Variants in PCYOX1 observed in about 807,000 individuals in gnomAD.
The protein encoded by PCYOX1 is prenylcysteine oxidase 1, also known as prenylcysteine lyase.
A neutral mutation model predicts 46.4 loss-of-function variants in PCYOX1; 46 were observed. The ratio of observed to expected loss-of-function variants is 0.99; its 90% CI spans 0.78 to 1.27. PCYOX1 has a LOEUF of 1.27. PCYOX1 is among the 50% of genes most tolerant of loss of function. The probability of loss-of-function intolerance (pLI) is 0.00; values close to 1 mark genes in which losing one functional copy is unlikely to be tolerated. For missense variants in PCYOX1, 658 were observed against 628.3 expected (o/e 1.05, Z -0.51); for synonymous variants, 220 against 231.8 (o/e 0.95, Z 0.46).
chr2:70,259,425 G>C lies in PCYOX1; in HGVS notation c.178G>C (p.Asp60His), dbSNP rs1044797094. The C allele has an allele frequency of 6.2e-7, 1 of 1,614,182 alleles. No homozygotes were observed. Among genetic ancestry groups the C allele is most frequent in the African/African-American group, 1.3e-5 (1 of 75,060 alleles). The change falls in exon 2 of 6, where the codon GAT becomes CAT. Residue 60 changes from aspartate (D) to histidine (H), a missense_variant. Coordinates refer to ENST00000433351, the MANE Select transcript of PCYOX1 (RefSeq NM_016297.4). ...AYYLRQKFGK[D>H]VKIDLFEREE... ...TTACCTGCGGCAGAAATTTGGGAAAGATGTGAAGATAGACCTGTTTGAAAG... is the reference window on the plus strand; with the variant it reads ...TTACCTGCGGCAGAAATTTGGGAAACATGTGAAGATAGACCTGTTTGAAAG...
At position 70,277,011 on chromosome 2, in the gene PCYOX1, C is replaced by T. The variant is rs144903509; in HGVS notation, c.1137C>T (p.Phe379=). Residue 379 remains phenylalanine (F), a synonymous_variant, in exon 6 of 6, where the codon TTC becomes TTT. Coordinates refer to ENST00000433351, the MANE Select transcript of PCYOX1 (RefSeq NM_016297.4). ...TAACCACTGATAATTCAGATTTGTT[C>T]ATTAACAGTATTGGGATTGTGCCCT... is the stretch of plus-strand genomic sequence containing the variant. ...TVLTTDNSDL[F]INSIGIVPSV... 7.7e-4 allele frequency: 1,241 copies of T among 1,613,854 alleles called. 20 individuals carry two copies. In the South Asian group the frequency reaches 0.012, roughly 15 times the overall value.
intron 3 of PCYOX1, among the ~76,000 whole-genome samples, chr2:70,266,475 GT>G (rs1696525107): frequency 6.8e-6 from 1 of 146,512 alleles, no homozygotes; most frequent in East Asian, 2.0e-4. Flanking sequence ...TTTTTTTTTT[GT>G]TAGTATTTAT....
chr2:70,269,938 A>T (rs551479019), intron 3 of PCYOX1, among the ~76,000 whole-genome samples: 1 of 152,102 alleles, frequency 6.6e-6, no homozygotes, highest in East Asian at 1.9e-4. Context: ...CTAGTTTCAC[A>T]TTGCAGTTGG....
intron 3 of PCYOX1, 79 bp from the exon 4 acceptor site, chr2:70,274,880 T>A (rs953954828): frequency 1.4e-5 from 13 of 908,768 alleles, no homozygotes; most frequent in Middle Eastern, 4.6e-4. Context: ...TTGATTCTTA[T>A]GACGCCACTT....
At chr2:70,259,919 G>T (rs938646778) in intron 2 of PCYOX1, among the ~76,000 whole-genome samples, 5 of 152,054 alleles carry the variant, frequency 3.3e-5, no homozygotes, top group Non-Finnish European at 7.4e-5. Flanking sequence ...GGGTTCAAGC[G>T]ATTCTCCTGC....
At chr2:70,276,134 A>G (rs1696668408) in intron 5 of PCYOX1, among the ~76,000 whole-genome samples, 2 of 148,392 alleles carry the variant, frequency 1.3e-5, no homozygotes, top group South Asian at 2.1e-4. Context: ...TCCCCAGTGT[A>G]GTTAAGTGCT....
chr2:70,275,449 G>A lies in PCYOX1; in HGVS notation c.707-65G>A, dbSNP rs888295575. On this transcript the variant is annotated intron_variant, in intron 4 of 5. Transcript: ENST00000433351. ...GGAGTAGAACATGTAATTGGGAAGG[G>A]AGAGTGGGTAGAGAGCCTCTTACAA... 1.3e-5 allele frequency: 19 copies of A among 1,498,866 alleles called. No homozygotes were observed. In the African/African-American group the frequency reaches 2.5e-4, roughly 20 times the overall value. The allele number at this position is 1,498,866 out of a possible 1,614,324, so 92.8% of individuals were successfully genotyped here.
intron 1 of PCYOX1, chr2:70,258,555 A>G (rs1383407487): frequency 1.1e-5 from 4 of 357,292 alleles, no homozygotes; most frequent in African/African-American, 2.2e-5. Flanking sequence ...GCGTACCTGT[A>G]GCCCCTGTCT....
At chr2:70,263,508 G>C (rs1696469260) in intron 3 of PCYOX1, among the ~76,000 whole-genome samples, 3 of 152,112 alleles carry the variant, frequency 2.0e-5, no homozygotes, top group African/African-American at 7.2e-5. Flanking sequence ...TTCTAGTGGA[G>C]AGACAGGCAA....
rs397868949 is a variant in PCYOX1, at chr2:70,274,195, CTT to C, written c.495-745_495-744del. 4.0e-3 allele frequency among the ~76,000 whole-genome samples: 460 copies of C among 115,894 alleles called. 1 individual carries two copies. The highest frequency in any genetic ancestry group is 0.011 in the African/African-American group (375 of 35,074). The allele number at this position is 115,894 out of a possible 152,430, so 76.0% of individuals were successfully genotyped here. A position where few individuals can be genotyped will look rare whatever the true frequency, so the allele number is the denominator to read the frequency against. On this transcript the variant is annotated intron_variant, in intron 3 of 5. Coordinates refer to ENST00000433351, the MANE Select transcript of PCYOX1 (RefSeq NM_016297.4). ...CTTTAGACAAAGTATTTTACTTCTA[CTT>C]TTTTTTTTTTTTTTTTTTGAGATGG...
intron 1 of PCYOX1, chr2:70,258,532 A>T (rs1039878224): frequency 1.7e-5 from 6 of 355,892 alleles, no homozygotes; most frequent in Admixed American, 5.1e-5. Flanking sequence ...GCGGGCGGGC[A>T]GGCAGGCGCC....
chr2:70,268,468 C>T (rs1334040226), intron 3 of PCYOX1, among the ~76,000 whole-genome samples: 1 of 152,052 alleles, frequency 6.6e-6, no homozygotes, highest in Non-Finnish European at 1.5e-5. Flanking sequence ...GTATGTAGGG[C>T]CTTTAAATAT....
At chr2:70,263,198 C>A (rs1696465186) in intron 3 of PCYOX1, among the ~76,000 whole-genome samples, 1 of 150,914 alleles carries the variant, frequency 6.6e-6, no homozygotes, top group Non-Finnish European at 1.5e-5. Context: ...CGTGCCATTA[C>A]ACTCTAGCCT....
intron 3 of PCYOX1, among the ~76,000 whole-genome samples, chr2:70,261,594 G>A (rs1196265842): frequency 6.6e-6 from 1 of 152,170 alleles, no homozygotes; most frequent in Non-Finnish European, 1.5e-5. Context: ...CTTCTGAAGT[G>A]TATTTTGCAA....
chr2:70,276,112 A>G (rs1413773033), intron 5 of PCYOX1, among the ~76,000 whole-genome samples: 2 of 151,904 alleles, frequency 1.3e-5, no homozygotes, highest in African/African-American at 2.4e-5. Flanking sequence ...AAAAAAAAAA[A>G]AAAAAAAAAA....
At chr2:70,269,179 G>GTT (rs200396144) in intron 3 of PCYOX1, among the ~76,000 whole-genome samples, 46 of 128,260 alleles carry the variant, frequency 3.6e-4, no homozygotes, top group Admixed American at 5.5e-4. Flanking sequence ...CTGTGTGTCT[G>GTT]TTTTTTTTTT....
In PCYOX1 at chr2:70,277,125, A is replaced by G. The variant is rs745797525; in HGVS notation, c.1251A>G (p.Gln417=). Residue 417 remains glutamine (Q), a synonymous_variant, in exon 6 of 6, where the codon CAA becomes CAG. Coordinates refer to ENST00000433351, the MANE Select transcript of PCYOX1 (RefSeq NM_016297.4). Reference sequence around the variant, plus strand: ...CCCAAGAAACTCTTACTAAAGCACAAATTTTAAAGCTCTTTCTGTCCTATG... The same window carrying G: ...CCCAAGAAACTCTTACTAAAGCACAGATTTTAAAGCTCTTTCTGTCCTATG... ...IFSQETLTKA[Q]ILKLFLSYDY... The G allele has an allele frequency of 5.0e-6, 8 of 1,614,234 alleles. No homozygotes were observed. In the Admixed American group the frequency reaches 1.0e-4, roughly 20 times the overall value.
At chr2:70,276,641 G>A (rs528981959) in intron 5 of PCYOX1, 93 bp from the exon 6 acceptor site, 4 of 750,970 alleles carry the variant, frequency 5.3e-6, no homozygotes, top group Non-Finnish European at 6.5e-6. Context: ...CAATTCTTTA[G>A]AATTATAGAG....
intron 4 of PCYOX1, 55 bp from the exon 5 acceptor site, chr2:70,275,459 A>C: frequency 6.5e-7 from 1 of 1,547,388 alleles, no homozygotes; most frequent in Non-Finnish European, 8.9e-7. Flanking sequence ...GAGAGTGGGT[A>C]GAGAGCCTCT....
Sources: allele counts gnomAD v4.1 joint callset (sites outside exome capture counted in the v4.1 genomes callset), GRCh38; gene constraint gnomAD v4.1.1; transcripts MANE v1.5; gene names NCBI Gene and HGNC (gene_info 2026-07-23, HGNC 2026-07-21).